Variants in COL4A4 observed in about 807,000 individuals in gnomAD.
COL4A4 encodes the protein collagen type IV alpha 4 chain, also known as collagen alpha-4(IV) chain.
A neutral mutation model predicts 192.9 loss-of-function variants in COL4A4; 105 were observed. The ratio of observed to expected loss-of-function variants is 0.54; its 90% confidence interval spans 0.46 to 0.64. The LOEUF (loss-of-function observed/expected upper bound fraction) is 0.64, where lower values mean the gene tolerates loss of function less well. Ranked by LOEUF, COL4A4 falls within the 30% of genes least tolerant of loss-of-function variation. The pLI, the probability that COL4A4 is intolerant of heterozygous loss-of-function variation, is 0.00. For synonymous variants in COL4A4, 762 were observed against 769.9 expected, an observed-to-expected ratio of 0.99 and a Z score of 0.17; for missense variants, 1,967 against 2,169.3, an observed-to-expected ratio of 0.91 and a Z score of 1.85.
At chr2:227,025,899 T>C in intron 42 of COL4A4, 89 bp from the exon 43 acceptor site, 1 of 1,174,988 alleles carries the variant, frequency 8.5e-7, no homozygotes, top group Non-Finnish European at 1.3e-6. Context: ...AGGACAAAAA[T>C]GAAATAGATT....
chr2:227,010,893 G>A (rs1044272194), intron 45 of COL4A4, among the ~76,000 whole-genome samples: 2 of 152,196 alleles, frequency 1.3e-5, no homozygotes, highest in Non-Finnish European at 2.9e-5. Context: ...CCCCAAGTGT[G>A]GACTCCCCAG....
chr2:226,978,383 CAT>C, the COL4A4 span, among the ~76,000 whole-genome samples: 115 of 152,294 alleles, frequency 7.6e-4, 1 homozygote, highest in African/African-American at 1.2e-3. Context: ...TAAAGGGAAA[CAT>C]GTGTGTACTG....
chr2:227,142,640 C>T (rs964156522), intron 3 of COL4A4, among the ~76,000 whole-genome samples: 2 of 151,802 alleles, frequency 1.3e-5, no homozygotes, highest in African/African-American at 4.8e-5. Context: ...GCCTGGAATC[C>T]CAGCTACTCA....
At chr2:227,090,161 C>T (rs1212968257) in intron 20 of COL4A4, among the ~76,000 whole-genome samples, 1 of 152,092 alleles carries the variant, frequency 6.6e-6, no homozygotes, top group Non-Finnish European at 1.5e-5. Context: ...TTATGGCATG[C>T]TTCTGCTACC....
intron 25 of COL4A4, among the ~76,000 whole-genome samples, chr2:227,065,041 G>A (rs975004097): frequency 1.3e-5 from 2 of 152,216 alleles, no homozygotes; most frequent in Non-Finnish European, 1.5e-5. Context: ...CACCGTGCAC[G>A]AGCCGAAGCA....
chr2:227,021,020 C>T (rs886654070), intron 44 of COL4A4, among the ~76,000 whole-genome samples: 1 of 151,880 alleles, frequency 6.6e-6, no homozygotes, highest in Admixed American at 6.6e-5. Flanking sequence ...TGCCCGCCAC[C>T]AAGCCCTGCT....
rs898594392 is a variant in COL4A4, at chr2:227,060,289, T to C, written c.2057-46A>G. ...AACACAGACTCAATAAAACAAAATC[T>C]AATGTGAACAAAATGAGATGATTTT... On this transcript the variant is annotated intron_variant, in intron 26 of 47. Transcript: ENST00000396625. 5 of 1,259,950 alleles carry C rather than the reference T, an allele frequency of 4.0e-6. No homozygotes were observed. In the African/African-American group the frequency reaches 7.4e-5, roughly 19 times the overall value. The allele number at this position is 1,259,950 out of a possible 1,614,324, so 78.0% of individuals were successfully genotyped here.
downstream of COL4A4, among the ~76,000 whole-genome samples, chr2:227,001,610 A>AAAAGT (rs1232236933): frequency 6.6e-6 from 1 of 151,696 alleles, no homozygotes. Flanking sequence ...AGTAAAGGAT[A>AAAAGT]AAAGTATTAT....
At chr2:227,036,734 GAACA>G (rs1368525596) in intron 37 of COL4A4, among the ~76,000 whole-genome samples, 2 of 152,164 alleles carry the variant, frequency 1.3e-5, no homozygotes, top group African/African-American at 2.4e-5. Flanking sequence ...TGACTTGACA[GAACA>G]AACAGGCAAT....
At chr2:227,145,482 A>G (rs1319566173) in intron 2 of COL4A4, among the ~76,000 whole-genome samples, 1 of 152,164 alleles carries the variant, frequency 6.6e-6, no homozygotes, top group Non-Finnish European at 1.5e-5. Context: ...AAACATCTGC[A>G]TATATTTTCT....
chr2:227,083,004 G>A (rs1043349015), intron 22 of COL4A4, among the ~76,000 whole-genome samples: 3 of 152,070 alleles, frequency 2.0e-5, no homozygotes, highest in African/African-American at 4.8e-5. Context: ...CAAGGAAGGC[G>A]GATCACTTGA....
At chr2:226,971,252 C>CTA in the COL4A4 span, among the ~76,000 whole-genome samples, 1 of 152,150 alleles carries the variant, frequency 6.6e-6, no homozygotes, top group African/African-American at 2.4e-5. Context: ...CAGGTGCTTA[C>CTA]TAAATGCTTG....
intron 25 of COL4A4, among the ~76,000 whole-genome samples, chr2:227,067,105 CAA>C (rs1336364141): frequency 1.3e-5 from 2 of 152,054 alleles, no homozygotes; most frequent in East Asian, 3.9e-4. Context: ...CAACAAAGAT[CAA>C]AAGAGACAAA....
At chr2:227,037,259 C>G (rs200556389) in intron 37 of COL4A4, among the ~76,000 whole-genome samples, 2 of 152,144 alleles carry the variant, frequency 1.3e-5, no homozygotes, top group East Asian at 3.9e-4. Flanking sequence ...TGACAGGCCC[C>G]AGTGTGTGAT....
At chr2:227,000,220 G>T (rs1960582509), downstream of COL4A4, among the ~76,000 whole-genome samples, 1 of 152,178 alleles carries the variant, frequency 6.6e-6, no homozygotes. Flanking sequence ...TGTGCACCCA[G>T]GGCCCACAGC....
chr2:227,015,333 A>G (rs969138374), intron 44 of COL4A4, among the ~76,000 whole-genome samples: 4 of 152,226 alleles, frequency 2.6e-5, no homozygotes, highest in Non-Finnish European at 4.4e-5. Context: ...CAGAGTAGTT[A>G]CTGGACCAGC....
In COL4A4 at chr2:227,007,370, T is replaced by C. The variant is rs1386161762; in HGVS notation, c.5028A>G (p.Gln1676=). ...APDTLKESQA[Q]RQKISRCQVC... ...CCTGGCACCGGCTGATTTTCTGGCG[T>C]TGGGCCTGGCTTTCTTTTAAGGTGT... Residue 1676 remains glutamine, a synonymous_variant, in exon 48 of 48, where the codon CAA becomes CAG. Coordinates refer to ENST00000396625, the MANE Select transcript of COL4A4 (RefSeq NM_000092.5). The C allele has an allele frequency of 3.1e-6, 5 of 1,614,222 alleles. No individual in the cohort carries two copies. Among genetic ancestry groups the C allele is most frequent in the South Asian group, 1.1e-5 (1 of 91,082 alleles).
intron 1 of COL4A4, among the ~76,000 whole-genome samples, chr2:227,161,326 T>C (rs535251649): frequency 5.9e-5 from 9 of 152,310 alleles, no homozygotes; most frequent in African/African-American, 1.2e-4. Flanking sequence ...ACAAATTACA[T>C]AGGACTTGTC....
intron 44 of COL4A4, among the ~76,000 whole-genome samples, chr2:227,013,713 G>A (rs752277339): frequency 2.6e-5 from 4 of 152,270 alleles, no homozygotes; most frequent in South Asian, 2.1e-4. Context: ...GTGGCGGCCC[G>A]AGCAGACCAA....
Sources: gnomAD v4.1 joint callset for allele counts (sites outside exome capture counted in the v4.1 genomes callset) on GRCh38, gnomAD v4.1.1 for gene constraint, MANE v1.5 for transcripts, NCBI Gene and HGNC (gene_info 2026-07-23, HGNC 2026-07-21) for gene names.